OPCML: variants seen among roughly 807,000 people sequenced by gnomAD.
OPCML encodes opioid-binding protein/cell adhesion molecule.
A neutral mutation model predicts 37.8 loss-of-function variants in OPCML; 13 were observed. The observed-to-expected ratio is 0.34, with a 90% CI of 0.22 to 0.55. The LOEUF is 0.55. OPCML is among the 20% of genes least tolerant of loss of function. The pLI is 0.91. For synonymous variants in OPCML, 176 were observed against 168.8 expected (o/e 1.04, Z -0.33); for missense variants, 341 against 435.6 (o/e 0.78, Z 1.93).
intron 3 of OPCML, among the ~76,000 whole-genome samples, chr11:132,603,667 C>T (rs1163664236): frequency 6.6e-6 from 1 of 152,164 alleles, no homozygotes; most frequent in Non-Finnish European, 1.5e-5. Flanking sequence ...TGAAGGATAA[C>T]ATCAAAACTT....
chr11:133,056,925 C>T (rs1948250935), intron 1 of OPCML, among the ~76,000 whole-genome samples: 1 of 152,200 alleles, frequency 6.6e-6, no homozygotes, highest in Non-Finnish European at 1.5e-5. Context: ...CTCACCACAA[C>T]CTCCGCCTTC....
intron 3 of OPCML, among the ~76,000 whole-genome samples, chr11:132,638,231 T>G (rs1243322831): frequency 6.7e-6 from 1 of 149,486 alleles, no homozygotes; most frequent in Non-Finnish European, 1.5e-5. Flanking sequence ...ATATATATGA[T>G]GTATACATAT....
rs114544268 is a variant in OPCML, at chr11:132,587,477, T to C, written c.380-58291A>G. On this transcript the variant is annotated intron_variant, in intron 3 of 7. Coordinates refer to ENST00000524381, the MANE Select transcript of OPCML (RefSeq NM_001012393.5). ...GGAGGCTGCACAATCAGTTAGCACA[T>C]TTACAAGCTGTCCATCACGACTGCA... 4.6e-3 allele frequency among the ~76,000 whole-genome samples: 697 copies of C among 152,288 alleles called. 7 individuals are homozygous for C. Among genetic ancestry groups the C allele is most frequent in the African/African-American group, 0.016 (672 of 41,582 alleles).
At position 132,438,401 on chromosome 11, in the gene OPCML, C is replaced by T. The variant is rs373253225; in HGVS notation, c.506-1042G>A. On this transcript the variant is annotated intron_variant, in intron 4 of 7. Transcript: ENST00000524381. ...TCAGGGCAACAAAAGTGTGAGCTTT[C>T]GCCACAACCTTGTGCAAGCATGTTC... is the stretch of plus-strand genomic sequence containing the variant. Among the ~76,000 whole-genome samples, 35 of 152,344 alleles carry T rather than the reference C, an allele frequency of 2.3e-4. No individual in the cohort carries two copies. In the South Asian group the frequency reaches 5.4e-3, roughly 23 times the overall value.
At chr11:133,116,290 A>G (rs972785720) in intron 1 of OPCML, among the ~76,000 whole-genome samples, 5 of 152,170 alleles carry the variant, frequency 3.3e-5, no homozygotes, top group Non-Finnish European at 7.3e-5. Flanking sequence ...ACACAACCAT[A>G]GAAAAATTCT....
intron 3 of OPCML, among the ~76,000 whole-genome samples, chr11:132,588,326 T>C (rs1011744029): frequency 1.3e-5 from 2 of 152,004 alleles, no homozygotes; most frequent in Admixed American, 6.6e-5. Context: ...AGAAATGAGG[T>C]TCTTGGTCAA....
chr11:132,515,929 G>A (rs1243382018), intron 4 of OPCML, among the ~76,000 whole-genome samples: 1 of 152,134 alleles, frequency 6.6e-6, no homozygotes, highest in Non-Finnish European at 1.5e-5. Context: ...CAGAGAACTG[G>A]ATGGCGTAAG....
At chr11:133,470,048 G>A (rs369539673) in intron 1 of OPCML, among the ~76,000 whole-genome samples, 6 of 152,222 alleles carry the variant, frequency 3.9e-5, no homozygotes, top group East Asian at 1.9e-4. Flanking sequence ...GCAATAAGCC[G>A]CTTAAAGTTG....
intron 1 of OPCML, chr11:133,118,287 G>T (rs1220307434): frequency 2.0e-6 from 2 of 985,286 alleles, no homozygotes; most frequent in African/African-American, 3.5e-5. Context: ...GAGCTGTAGG[G>T]AGGCCTCTAT....
intron 1 of OPCML, among the ~76,000 whole-genome samples, chr11:133,373,384 G>A (rs975502172): frequency 2.0e-5 from 3 of 146,438 alleles, no homozygotes; most frequent in African/African-American, 7.5e-5. Flanking sequence ...GCAATGCGGT[G>A]AAACCCTGTC....
intron 1 of OPCML, among the ~76,000 whole-genome samples, chr11:133,293,155 G>A (rs1240430954): frequency 6.6e-6 from 1 of 152,050 alleles, no homozygotes; most frequent in Non-Finnish European, 1.5e-5. Flanking sequence ...AGAATTTTTG[G>A]ACAAGAAGAA....
intron 3 of OPCML, among the ~76,000 whole-genome samples, chr11:132,588,677 G>C (rs1201426808): frequency 6.6e-6 from 1 of 152,136 alleles, no homozygotes; most frequent in Non-Finnish European, 1.5e-5. Flanking sequence ...TTTACATGTA[G>C]GACTTCCATG....
intron 1 of OPCML, among the ~76,000 whole-genome samples, chr11:133,264,489 A>C (rs975009403): frequency 1.2e-4 from 18 of 152,196 alleles, no homozygotes; most frequent in African/African-American, 4.1e-4. Flanking sequence ...CCCAGCACAG[A>C]CATGTGAACT....
intron 2 of OPCML, among the ~76,000 whole-genome samples, chr11:132,705,278 G>A (rs911490440): frequency 1.3e-5 from 2 of 151,982 alleles, no homozygotes; most frequent in South Asian, 2.1e-4. Flanking sequence ...GTGAGTTCTC[G>A]GGAGTTCTGG....
intron 1 of OPCML, among the ~76,000 whole-genome samples, chr11:133,220,855 G>A (rs150839790): frequency 4.6e-4 from 70 of 152,194 alleles, no homozygotes; most frequent in African/African-American, 1.5e-3. Flanking sequence ...GTTCGAGTCC[G>A]TTTGGAGAAC....
At chr11:133,097,793 T>C (rs749359071) in intron 1 of OPCML, among the ~76,000 whole-genome samples, 14 of 152,166 alleles carry the variant, frequency 9.2e-5, no homozygotes, top group Non-Finnish European at 1.9e-4. Flanking sequence ...TTGAAAGATA[T>C]GTCTGCCAAA....
chr11:132,482,425 T>G (rs1409725542), intron 4 of OPCML, among the ~76,000 whole-genome samples: 1 of 151,926 alleles, frequency 6.6e-6, no homozygotes, highest in African/African-American at 2.4e-5. Context: ...GTGGCAATAA[T>G]CAATAGCTTA....
chr11:132,581,917 G>A (rs997881886), intron 3 of OPCML, among the ~76,000 whole-genome samples: 1 of 151,990 alleles, frequency 6.6e-6, no homozygotes, highest in Non-Finnish European at 1.5e-5. Flanking sequence ...CCATGATAAG[G>A]AATGACTTGT....
chr11:132,424,152 C>T (rs35782907), intron 7 of OPCML, among the ~76,000 whole-genome samples: 1 of 150,954 alleles, frequency 6.6e-6, no homozygotes, highest in Non-Finnish European at 1.5e-5. Context: ...TGGAGTCTCG[C>T]TCTGTCGCCC....
Sources: allele counts gnomAD v4.1 joint callset (sites outside exome capture counted in the v4.1 genomes callset), GRCh38; gene constraint gnomAD v4.1.1; transcripts MANE v1.5; gene names NCBI Gene and HGNC (gene_info 2026-07-23, HGNC 2026-07-21).